The following SF3B1 variants were observed in gnomAD, a reference collection of about 807,000 sequenced individuals.
SF3B1 encodes the protein splicing factor 3b subunit 1, also known as pre-mRNA processing 10.
In SF3B1, 12 loss-of-function variants were observed where a neutral mutation model predicts 153.8. The ratio of observed to expected loss-of-function variants is 0.08; its 90% CI spans 0.05 to 0.13. SF3B1 has a LOEUF of 0.13. SF3B1 is among the 10% of genes least tolerant of loss of function. SF3B1 has a pLI of 1.00. For missense variants in SF3B1, 513 were observed against 1,606.1 expected (o/e 0.32, Z 11.63); for synonymous variants, 498 against 525.2 (o/e 0.95, Z 0.71).
chr2:197,425,281 T>C (rs534439041), intron 1 of SF3B1, among the ~76,000 whole-genome samples: 4 of 151,996 alleles, frequency 2.6e-5, no homozygotes, highest in Non-Finnish European at 5.9e-5. Flanking sequence ...GCCTGGCCAA[T>C]GTGCTAAAAC....
At position 197,402,334 on chromosome 2, in the gene SF3B1, G is replaced by T; in HGVS notation, c.2078-204C>A. 1 of 708,588 alleles carries T rather than the reference G, an allele frequency of 1.4e-6. No homozygotes were observed. The highest frequency in any genetic ancestry group is 2.3e-6 in the Non-Finnish European group (1 of 436,886). 43.9% of individuals were successfully genotyped at this position (708,588 alleles called of 1,614,324 possible). Reference sequence around the variant, plus strand: ...CATCATAAAATCTATAGTTTGTAGAGCTATGCCTTTCCATTTATCTCCCCA... The same window carrying T: ...CATCATAAAATCTATAGTTTGTAGATCTATGCCTTTCCATTTATCTCCCCA... On this transcript the variant is annotated intron_variant, in intron 14 of 24. Coordinates refer to ENST00000335508, the MANE Select transcript of SF3B1 (RefSeq NM_012433.4). The surrounding 1 kb of genome is among the most constrained non-coding windows in gnomAD (Gnocchi z 4.6).
chr2:197,414,320 T>C (rs575342625), intron 6 of SF3B1, among the ~76,000 whole-genome samples: 3 of 152,318 alleles, frequency 2.0e-5, no homozygotes, highest in South Asian at 2.1e-4. Flanking sequence ...AGCTATCTTA[T>C]ACAAACGGTA....
chr2:197,417,642 A>G (rs1205974580), intron 5 of SF3B1, among the ~76,000 whole-genome samples: 1 of 151,592 alleles, frequency 6.6e-6, no homozygotes, highest in Non-Finnish European at 1.5e-5. Flanking sequence ...CTGCAATCCC[A>G]GAAACTCGGG....
In SF3B1 at chr2:197,390,337, G is replaced by A. The variant is rs765166177; in HGVS notation, c.*1966C>T. The A allele has an allele frequency of 2.0e-5, 3 of 152,158 alleles. No individual in the cohort carries two copies. The highest frequency in any genetic ancestry group is 6.5e-5 in the Admixed American group (1 of 15,278). 9.4% of individuals were successfully genotyped at this position (152,158 alleles called of 1,614,324 possible). On this transcript the variant is annotated 3_prime_UTR_variant, in exon 25 of 25. Coordinates refer to ENST00000335508, the MANE Select transcript of SF3B1 (RefSeq NM_012433.4). ...TGAAAATACAACTAAAATTTCCTGA[G>A]TCATTTAACATCAAATTTTGGCTTT...
chr2:197,429,327 G>A (rs2085388926), intron 1 of SF3B1, among the ~76,000 whole-genome samples: 1 of 152,168 alleles, frequency 6.6e-6, no homozygotes, highest in South Asian at 2.1e-4. Context: ...ACACTGTTGT[G>A]CACATCAATA....
rs558890510 is a variant in SF3B1 at position 197,429,956 on chromosome 2, A to T, written c.28+5016T>A. Among the ~76,000 whole-genome samples the T allele has an allele frequency of 6.6e-5, 10 of 152,296 alleles. No homozygotes were observed. The South Asian group carries it at 1.9e-3, about 28-fold the overall frequency. On this transcript the variant is annotated intron_variant, in intron 1 of 24. Coordinates refer to ENST00000335508, the MANE Select transcript of SF3B1 (RefSeq NM_012433.4). ...TGGGAAGGAGGGAACCAGTTTAGACAGCCACTTTCCCCAATTCCTCCAGAC... is the reference window on the plus strand; with the variant it reads ...TGGGAAGGAGGGAACCAGTTTAGACTGCCACTTTCCCCAATTCCTCCAGAC...
chr2:197,428,647 A>G (rs2085372730), intron 1 of SF3B1, among the ~76,000 whole-genome samples: 1 of 152,156 alleles, frequency 6.6e-6, no homozygotes. Flanking sequence ...TAATCCCAGC[A>G]CTTTGGGAAG....
intron 1 of SF3B1, among the ~76,000 whole-genome samples, chr2:197,432,729 T>C (rs192562618): frequency 3.4e-4 from 51 of 152,218 alleles, no homozygotes; most frequent in African/African-American, 1.2e-3. Flanking sequence ...TAGTCGGGTG[T>C]GGTGGCACAT....
chr2:197,396,012 G>A (rs1310283488), intron 23 of SF3B1, 44 bp downstream of exon 23: 41 of 1,485,060 alleles, frequency 2.8e-5, no homozygotes, highest in Non-Finnish European at 3.2e-5. Context: ...TAAAATGAAG[G>A]AAGAGTTATA....
At chr2:197,396,655 T>G (rs2084877451) in intron 22 of SF3B1, among the ~76,000 whole-genome samples, 1 of 152,184 alleles carries the variant, frequency 6.6e-6, no homozygotes, top group South Asian at 2.1e-4. Flanking sequence ...AACTAAATGT[T>G]TAAAGTGAGT....
At position 197,401,541 on chromosome 2, in the gene SF3B1, A is replaced by C; in HGVS notation, c.2371-16T>G. The C allele has an allele frequency of 6.2e-7, 1 of 1,603,714 alleles. No individual in the cohort carries two copies. Among genetic ancestry groups the C allele is most frequent in the Non-Finnish European group, 8.5e-7 (1 of 1,174,882 alleles). On this transcript the variant is annotated splice_polypyrimidine_tract_variant and intron_variant, in intron 16 of 24. Coordinates refer to ENST00000335508, the MANE Select transcript of SF3B1 (RefSeq NM_012433.4). This position sits in a 1 kb window ranked among gnomAD's most constrained non-coding sequence, Gnocchi z 4.2. Reference sequence around the variant, plus strand: ...GTTTTACCACCTAAAAGGTTAAGAAATAGTAATAATAAATCAACTGACCTG... The same window carrying C: ...GTTTTACCACCTAAAAGGTTAAGAACTAGTAATAATAAATCAACTGACCTG...
Position 197,401,358 on chromosome 2 carries a change from T to C in SF3B1, c.2496+42A>G. On this transcript the variant is annotated intron_variant, in intron 17 of 24. Coordinates refer to ENST00000335508, the MANE Select transcript of SF3B1 (RefSeq NM_012433.4). The surrounding 1 kb of genome is among the most constrained non-coding windows in gnomAD (Gnocchi z 4.2). ...CATTCAAGTTGACTAAAGAATGAGT[T>C]GAAAGGACTTTTGAGAATATTCTTT... The C allele has an allele frequency of 6.4e-7, 1 of 1,558,048 alleles. No homozygotes were observed. The highest frequency in any genetic ancestry group is 8.7e-7 in the Non-Finnish European group (1 of 1,154,392).
chr2:197,427,560 C>A (rs2085354176), intron 1 of SF3B1, among the ~76,000 whole-genome samples: 1 of 152,062 alleles, frequency 6.6e-6, no homozygotes, highest in African/African-American at 2.4e-5. Context: ...AAATTATTAC[C>A]ATGACATTCA....
At chr2:197,418,753 T>G (rs1371232741) in intron 4 of SF3B1, 165 bp from the exon 5 acceptor site, 1 of 1,458,870 alleles carries the variant, frequency 6.9e-7, no homozygotes, top group African/African-American at 1.4e-5. Context: ...TTATTGAGTT[T>G]GCTGATCAAT....
chr2:197,405,948 C>A (rs1403988172), intron 9 of SF3B1, among the ~76,000 whole-genome samples: 2 of 151,914 alleles, frequency 1.3e-5, no homozygotes, highest in Non-Finnish European at 2.9e-5. Flanking sequence ...TAAAACTCTA[C>A]AAAAATTAGT....
chr2:197,432,916 AAAAT>A (rs1313771258), intron 1 of SF3B1, among the ~76,000 whole-genome samples: 1 of 152,230 alleles, frequency 6.6e-6, no homozygotes, highest in African/African-American at 2.4e-5. Flanking sequence ...ATATGACAGC[AAAAT>A]AAATAAATAG....
intron 21 of SF3B1, 139 bp downstream of exon 21, chr2:197,398,322 G>T: frequency 9.8e-7 from 1 of 1,021,296 alleles, no homozygotes. Flanking sequence ...ATTGAAATTT[G>T]ACTGAAAATA....
chr2:197,430,550 T>G, intron 1 of SF3B1, among the ~76,000 whole-genome samples: 1 of 152,076 alleles, frequency 6.6e-6, no homozygotes, highest in East Asian at 1.9e-4. Flanking sequence ...CACCTCCTGG[T>G]TCAAGAGATT....
At chr2:197,403,176 A>AT in intron 12 of SF3B1, 141 bp from the exon 13 acceptor site, 1 of 667,976 alleles carries the variant, frequency 1.5e-6, no homozygotes, top group Non-Finnish European at 2.6e-6. Context: ...AAGAATTTTA[A>AT]TTATACAAGT....
Sources: allele counts gnomAD v4.1 joint callset (sites outside exome capture counted in the v4.1 genomes callset), GRCh38; gene constraint gnomAD v4.1.1; non-coding constraint Gnocchi (gnomAD v3.1); transcripts MANE v1.5; gene names NCBI Gene and HGNC (gene_info 2026-07-23, HGNC 2026-07-21).